HS6ST3: variants seen among roughly 807,000 people sequenced by gnomAD.
HS6ST3 encodes heparan sulfate 6-O-sulfotransferase 3.
HS6ST3 carries 12 observed loss-of-function variants against 36.7 expected under a neutral mutation model. That is an observed-to-expected ratio of 0.33 (90% CI 0.21 to 0.53). The LOEUF is 0.53. HS6ST3 is among the 20% of genes least tolerant of loss of function. The pLI is 0.95. For missense variants in HS6ST3, 584 were observed against 640.9 expected, an observed-to-expected ratio of 0.91 and a Z score of 0.96; for synonymous variants, 240 against 257.5, an observed-to-expected ratio of 0.93 and a Z score of 0.65.
chr13:96,672,686 A>G (rs1278492448), intron 1 of HS6ST3, among the ~76,000 whole-genome samples: 1 of 152,092 alleles, frequency 6.6e-6, no homozygotes, highest in Non-Finnish European at 1.5e-5. Flanking sequence ...GGCATGGGGG[A>G]TAACTGTTTG....
chr13:96,622,449 T>A lies in HS6ST3; in HGVS notation c.708-210041T>A, dbSNP rs539761705. ...TTACTTTCTCAGTCTGACTAATTTT[T>A]ACTTTTTTACTCTCCATATCACTTA... is the stretch of plus-strand genomic sequence containing the variant. On this transcript the variant is annotated intron_variant, in intron 1 of 1. Transcript: ENST00000376705. 1.1e-3 allele frequency among the ~76,000 whole-genome samples: 169 copies of A among 152,342 alleles called. 1 individual carries two copies. The Middle Eastern group carries it at 0.027, about 25-fold the overall frequency.
chr13:96,367,393 G>A (rs1925104), intron 1 of HS6ST3, among the ~76,000 whole-genome samples: 2 of 151,826 alleles, frequency 1.3e-5, no homozygotes, highest in African/African-American at 2.4e-5. Context: ...ATTTTTGCAC[G>A]GCTTCTTTCA....
At chr13:96,429,769 G>C (rs779780853) in intron 1 of HS6ST3, among the ~76,000 whole-genome samples, 1 of 152,152 alleles carries the variant, frequency 6.6e-6, no homozygotes, top group African/African-American at 2.4e-5. Flanking sequence ...CTGTAGGTTC[G>C]ATAGAAAATT....
At chr13:96,342,665 GATTTA>G (rs1268209782) in intron 1 of HS6ST3, among the ~76,000 whole-genome samples, 4 of 152,098 alleles carry the variant, frequency 2.6e-5, no homozygotes, top group Non-Finnish European at 4.4e-5. Context: ...TGTTAATTCT[GATTTA>G]ATTTAATTTT....
chr13:96,093,653 C>T (rs1052405725), intron 1 of HS6ST3, among the ~76,000 whole-genome samples: 1 of 152,010 alleles, frequency 6.6e-6, no homozygotes, highest in South Asian at 2.1e-4. Flanking sequence ...CACCCTCTCT[C>T]TCTCCCCAGT....
chr13:96,360,361 C>G (rs1447809785), intron 1 of HS6ST3, among the ~76,000 whole-genome samples: 1 of 151,754 alleles, frequency 6.6e-6, no homozygotes, highest in Non-Finnish European at 1.5e-5. Context: ...TGTTGGGGTA[C>G]AGAACAAAGG....
chr13:96,608,538 T>G (rs1322694926), intron 1 of HS6ST3, among the ~76,000 whole-genome samples: 2 of 152,312 alleles, frequency 1.3e-5, no homozygotes, highest in African/African-American at 4.8e-5. Context: ...CATGCTGAAC[T>G]GCACTCTCAA....
intron 1 of HS6ST3, among the ~76,000 whole-genome samples, chr13:96,378,459 T>C (rs1369763242): frequency 6.6e-6 from 1 of 152,204 alleles, no homozygotes; most frequent in African/African-American, 2.4e-5. Flanking sequence ...AGCTACCTCA[T>C]GATTCCTGGA....
At chr13:96,313,702 C>T (rs1354798584) in intron 1 of HS6ST3, among the ~76,000 whole-genome samples, 1 of 152,096 alleles carries the variant, frequency 6.6e-6, no homozygotes, top group Non-Finnish European at 1.5e-5. Context: ...TTCCTATTAT[C>T]TTCTTAGCTT....
At chr13:96,518,511 A>G (rs552710142) in intron 1 of HS6ST3, among the ~76,000 whole-genome samples, 2 of 152,280 alleles carry the variant, frequency 1.3e-5, no homozygotes, top group Non-Finnish European at 2.9e-5. Context: ...TTTTTTCACT[A>G]TCTGCCAGGT....
chr13:96,423,329 G>A (rs1405708420), intron 1 of HS6ST3, among the ~76,000 whole-genome samples: 1 of 151,948 alleles, frequency 6.6e-6, no homozygotes, highest in African/African-American at 2.4e-5. Flanking sequence ...CTTGGGTCCT[G>A]GGTCCAAAAA....
chr13:96,788,434 A>G (rs1359405955), intron 1 of HS6ST3, among the ~76,000 whole-genome samples: 1 of 151,892 alleles, frequency 6.6e-6, no homozygotes, highest in African/African-American at 2.4e-5. Context: ...TATCATGGTC[A>G]TCTATCTATG....
At chr13:96,386,911 A>G (rs764481929) in intron 1 of HS6ST3, among the ~76,000 whole-genome samples, 2 of 152,160 alleles carry the variant, frequency 1.3e-5, no homozygotes, top group African/African-American at 4.8e-5. Flanking sequence ...CATGCTGTAT[A>G]TTAGATGCCT....
chr13:96,377,778 T>A (rs1248968979), intron 1 of HS6ST3, among the ~76,000 whole-genome samples: 5 of 152,078 alleles, frequency 3.3e-5, no homozygotes, highest in Non-Finnish European at 7.3e-5. Context: ...GTGATAGAAA[T>A]GTGACACCAT....
chr13:96,240,014 T>G (rs114510390), intron 1 of HS6ST3, among the ~76,000 whole-genome samples: 273 of 152,344 alleles, frequency 1.8e-3, no homozygotes, highest in African/African-American at 6.1e-3. Flanking sequence ...AATGAAACAC[T>G]AAATTTGCCT....
intron 1 of HS6ST3, among the ~76,000 whole-genome samples, chr13:96,468,948 CTT>C (rs1366310517): frequency 6.6e-6 from 1 of 152,050 alleles, no homozygotes; most frequent in Non-Finnish European, 1.5e-5. Context: ...CTGTTTTCCT[CTT>C]GTTTATTCAT....
At chr13:96,271,201 T>A (rs1158737136) in intron 1 of HS6ST3, among the ~76,000 whole-genome samples, 2 of 151,708 alleles carry the variant, frequency 1.3e-5, no homozygotes, top group African/African-American at 4.9e-5. Context: ...AATGTCGAGT[T>A]GGAAAGAGAG....
At chr13:96,327,945 G>A (rs1301238821) in intron 1 of HS6ST3, among the ~76,000 whole-genome samples, 1 of 135,504 alleles carries the variant, frequency 7.4e-6, no homozygotes, top group East Asian at 2.2e-4. Context: ...TGAAGCAATT[G>A]TGAATGGGAG....
chr13:96,267,160 A>T (rs2054696493), intron 1 of HS6ST3, among the ~76,000 whole-genome samples: 1 of 152,136 alleles, frequency 6.6e-6, no homozygotes, highest in African/African-American at 2.4e-5. Context: ...ACCATGTAAG[A>T]TGTGCCTTTG....
Sources: gnomAD v4.1 joint callset for allele counts (sites outside exome capture counted in the v4.1 genomes callset) on GRCh38, gnomAD v4.1.1 for gene constraint, MANE v1.5 for transcripts, NCBI Gene and HGNC (gene_info 2026-07-23, HGNC 2026-07-21) for gene names.